Variants in ASB14 observed in about 807,000 individuals in gnomAD.
The protein encoded by ASB14 is ankyrin repeat and SOCS box containing 14.
Under a neutral mutation model 55.6 loss-of-function variants are expected in ASB14, and 63 were observed. The observed-to-expected ratio is 1.13, with a 90% CI of 0.92 to 1.40. ASB14 has a LOEUF of 1.40. ASB14 is among the 40% of genes most tolerant of loss of function. The pLI is 0.00. For missense variants in ASB14, 724 were observed against 710.4 expected (o/e 1.02, Z -0.22); for synonymous variants, 256 against 259.9 (o/e 0.98, Z 0.15).
At chr3:57,287,242 AC>A (rs2061087688) in intron 5 of ASB14, among the ~76,000 whole-genome samples, 1 of 152,198 alleles carries the variant, frequency 6.6e-6, no homozygotes, top group South Asian at 2.1e-4. Flanking sequence ...TGTAGGTTTA[AC>A]AACAGGTTGA....
chr3:57,284,937 T>G (rs2061069683), intron 5 of ASB14, among the ~76,000 whole-genome samples: 3 of 65,640 alleles, frequency 4.6e-5, no homozygotes, highest in African/African-American at 1.5e-4. Flanking sequence ...TAATTTTCAG[T>G]GTTGTTTTTT....
At position 57,280,404 on chromosome 3, in the gene ASB14, G is replaced by C. The variant is rs1214821240; in HGVS notation, c.785C>G (p.Pro262Arg). The C allele has an allele frequency of 4.5e-6, 7 of 1,551,344 alleles. No homozygotes were observed. In the African/African-American group the frequency reaches 6.8e-5, roughly 15 times the overall value. Residue 262 changes from proline to arginine, a missense_variant, in exon 7 of 11, where the codon CCA (proline) becomes CGA (arginine). Coordinates refer to ENST00000487349, the MANE Select transcript of ASB14 (RefSeq NM_001142733.3). ...ILLEAASGGN[P>R]DAVALLLEYG... ...CTCCAGCAAGAGAGCCACAGCATCT[G>C]GATTTCCTCCACTTGCGGCTTCAAG...
rs1168958649 is a variant in ASB14 at position 57,278,723 on chromosome 3, A to G, written c.1085T>C (p.Phe362Ser). 6.2e-7 allele frequency: 1 copy of G among 1,613,996 alleles called. No homozygotes were observed. The highest frequency in any genetic ancestry group is 2.2e-5 in the East Asian group (1 of 44,840). ...AGAGAGGTCACTGTTTGATACAGCAAAATACAAAGCTGACTTCCTGTGGTC... is the reference window on the plus strand; with the variant it reads ...AGAGAGGTCACTGTTTGATACAGCAGAATACAAAGCTGACTTCCTGTGGTC... The part of the protein sequence containing the change: ...YDDHRKSALY[F>S]AVSNSDLSSV... Residue 362 changes from phenylalanine (F) to serine (S), a missense_variant, in exon 8 of 11, where the codon TTT becomes TCT. By Grantham distance (155) the Phe-to-Ser change is radical. Transcript: ENST00000487349.
intron 7 of ASB14, among the ~76,000 whole-genome samples, 179 bp downstream of exon 7, chr3:57,280,123 G>A (rs779531610): frequency 2.6e-5 from 3 of 117,382 alleles, no homozygotes; most frequent in African/African-American, 3.3e-5. Context: ...AGGGTCTATG[G>A]TTCAGACCCA....
intron 10 of ASB14, among the ~76,000 whole-genome samples, chr3:57,275,390 T>G (rs1293578834): frequency 1.3e-5 from 2 of 150,114 alleles, no homozygotes; most frequent in African/African-American, 2.5e-5. Flanking sequence ...AGGCAGAGAT[T>G]GCAGTGAGCT....
intron 10 of ASB14, chr3:57,271,671 T>G (rs1310136713): frequency 6.6e-6 from 1 of 152,256 alleles, no homozygotes; most frequent in African/African-American, 2.4e-5. Context: ...TGGTAGCAAG[T>G]GCTGCCCTTT....
At chr3:57,285,613 T>G (rs1579433882) in intron 5 of ASB14, among the ~76,000 whole-genome samples, 1 of 152,246 alleles carries the variant, frequency 6.6e-6, no homozygotes, top group Non-Finnish European at 1.5e-5. Context: ...TTACATTTCC[T>G]TTTATGCACA....
intron 10 of ASB14, chr3:57,271,962 T>C (rs1456333666): frequency 6.6e-6 from 1 of 152,210 alleles, no homozygotes; most frequent in African/African-American, 2.4e-5. Context: ...TAAGCTCTTT[T>C]TGTTATTTAA....
At chr3:57,285,463 A>G (rs973511994) in intron 5 of ASB14, among the ~76,000 whole-genome samples, 2 of 152,190 alleles carry the variant, frequency 1.3e-5, no homozygotes, top group South Asian at 2.1e-4. Context: ...ACCATAGAAA[A>G]TGAGGATTTA....
chr3:57,278,223 GTTTAT>G (rs979572926), intron 8 of ASB14, among the ~76,000 whole-genome samples, 149 bp downstream of exon 8: 86 of 152,176 alleles, frequency 5.7e-4, no homozygotes, highest in African/African-American at 2.0e-3. Context: ...CTACTATTGT[GTTTAT>G]TTTATCATAA....
At chr3:57,284,188 A>G (rs2061062710) in intron 5 of ASB14, among the ~76,000 whole-genome samples, 1 of 150,734 alleles carries the variant, frequency 6.6e-6, no homozygotes, top group Non-Finnish European at 1.5e-5. Context: ...GTGCAGTGGT[A>G]CGATCATAGC....
At position 57,280,450 on chromosome 3, in the gene ASB14, A is replaced by C. The variant is rs2061030996; in HGVS notation, c.739T>G (p.Ser247Ala). 6.4e-7 allele frequency: 1 copy of C among 1,551,200 alleles called. No individual in the cohort carries two copies. The highest frequency in any genetic ancestry group is 1.4e-5 in the African/African-American group (1 of 73,184). Residue 247 changes from serine to alanine, a missense_variant, in exon 7 of 11, where the codon TCT becomes GCT. Transcript: ENST00000487349. ...TCAAGTAAGATGGAAGAAGAATCAGAGGCCTGACCATGAGCATTAGCTCCT... is the reference window on the plus strand; with the variant it reads ...TCAAGTAAGATGGAAGAAGAATCAGCGGCCTGACCATGAGCATTAGCTCCT... ...RKGANAHGQA[S>A]DSSSILLEAA...
intron 6 of ASB14, among the ~76,000 whole-genome samples, chr3:57,281,134 A>T (rs2107624016): frequency 6.6e-6 from 1 of 152,252 alleles, no homozygotes; most frequent in African/African-American, 2.4e-5. Flanking sequence ...AGAAATCCGA[A>T]ATCTGAAATG....
At chr3:57,290,409 TA>T (rs1384174243) in intron 2 of ASB14, among the ~76,000 whole-genome samples, 4 of 152,190 alleles carry the variant, frequency 2.6e-5, no homozygotes, top group Non-Finnish European at 5.9e-5. Context: ...CTTTCACACT[TA>T]AAGATCCTGT....
rs750658328 is a variant in ASB14, at chr3:57,278,716, T to TA, written c.1091dup (p.Ser365IlefsTer4). ...TGACTGAAGAGAGGTCACTGTTTGA[T>TA]ACAGCAAAATACAAAGCTGACTTCC... is the stretch of plus-strand genomic sequence containing the variant. On this transcript the variant is annotated frameshift_variant, in exon 8 of 11. Coordinates refer to ENST00000487349, the MANE Select transcript of ASB14 (RefSeq NM_001142733.3). LOFTEE classifies it high-confidence loss of function. 8 of 1,613,916 alleles carry TA rather than the reference T, an allele frequency of 5.0e-6. No homozygotes were observed. The African/African-American group carries it at 9.3e-5, about 19-fold the overall frequency.
intron 10 of ASB14, chr3:57,270,958 T>A (rs2060934052): frequency 6.6e-6 from 1 of 152,170 alleles, no homozygotes; most frequent in Admixed American, 6.5e-5. Flanking sequence ...TAATTTTTTT[T>A]CTGTAATCAC....
chr3:57,287,885 C>CA lies in ASB14; in HGVS notation c.469+15dup, dbSNP rs1420070736. On this transcript the variant is annotated intron_variant, in intron 5 of 10. Transcript: ENST00000487349. ...TCAGTGCCACAGACTCTTTCAGAAACAATGTATTCATTTACCTGCAAGAAG... is the reference window on the plus strand; with the variant it reads ...TCAGTGCCACAGACTCTTTCAGAAACAAATGTATTCATTTACCTGCAAGAAG... The CA allele has an allele frequency of 6.5e-7, 1 of 1,535,946 alleles. No individual in the cohort carries two copies. The highest frequency in any genetic ancestry group is 8.7e-7 in the Non-Finnish European group (1 of 1,146,230).
rs746830055 is a variant in ASB14, at chr3:57,277,922, T to G, written c.1432-2A>C. ...TGACAAAGTTATTACTTCACAGAAC[T>G]GAGGGAAACAAAATCAGAATTAGGA... On this transcript the variant is annotated splice_acceptor_variant, in intron 8 of 10. Coordinates refer to ENST00000487349, the MANE Select transcript of ASB14 (RefSeq NM_001142733.3). LOFTEE classifies it high-confidence loss of function. 2 of 1,607,942 alleles carry G rather than the reference T, an allele frequency of 1.2e-6. No individual in the cohort carries two copies. Among genetic ancestry groups the G allele is most frequent in the Non-Finnish European group, 1.7e-6 (2 of 1,177,918 alleles).
chr3:57,278,563 G>C lies in ASB14; in HGVS notation c.1245C>G (p.Phe415Leu). 6.2e-7 allele frequency: 1 copy of C among 1,614,210 alleles called. No homozygotes were observed. The highest frequency in any genetic ancestry group is 8.5e-7 in the Non-Finnish European group (1 of 1,180,030). ...GGAAATGTAAAGGGTTAACTCTGCA[G>C]AAGTAATTGACATTGGCCCCATGCC... ...LLRHGANVNY[F>L]CRVNPLHFPS... The change falls in exon 8 of 11, where the codon TTC (phenylalanine) becomes TTG (leucine). Residue 415 changes from phenylalanine (F) to leucine (L), a missense_variant. Transcript: ENST00000487349.
Sources: gnomAD v4.1 joint callset for allele counts (sites outside exome capture counted in the v4.1 genomes callset) on GRCh38, gnomAD v4.1.1 for gene constraint, MANE v1.5 for transcripts, NCBI Gene and HGNC (gene_info 2026-07-23, HGNC 2026-07-21) for gene names.